Variants in CFAP299 observed in about 807,000 individuals in gnomAD.
The protein encoded by CFAP299 is cilia and flagella associated protein 299.
In CFAP299, 21 loss-of-function variants were observed where a neutral mutation model predicts 27.0. The ratio of observed to expected loss-of-function variants is 0.78; its 90% CI spans 0.55 to 1.12. The LOEUF is 1.12. CFAP299 is among the 50% of genes most tolerant of loss of function. The probability of loss-of-function intolerance (pLI) is 0.00; values close to 1 mark genes in which losing one functional copy is unlikely to be tolerated. For missense variants in CFAP299, 310 were observed against 276.6 expected (o/e 1.12, Z -0.86); for synonymous variants, 104 against 98.1 (o/e 1.06, Z -0.36).
chr4:80,452,805 G>A (rs536106788), intron 2 of CFAP299, among the ~76,000 whole-genome samples: 2 of 152,138 alleles, frequency 1.3e-5, no homozygotes, highest in African/African-American at 2.4e-5. Flanking sequence ...ACATCCGTCC[G>A]CATTGATGTT....
At chr4:80,892,444 G>A (rs998663114) in intron 4 of CFAP299, among the ~76,000 whole-genome samples, 10 of 152,104 alleles carry the variant, frequency 6.6e-5, no homozygotes, top group Admixed American at 6.6e-4. Flanking sequence ...ACATTGGTCT[G>A]GGCAAAAATT....
In CFAP299 at chr4:80,390,348, A is replaced by G. The variant is rs138397161; in HGVS notation, c.242+27464A>G. ...ATGAGTTTTACTTTTTATATTCCAC[A>G]TATAAGTGAGATCAAACAGTATTTG... On this transcript the variant is annotated intron_variant, in intron 2 of 5. Transcript: ENST00000358105. Among the ~76,000 whole-genome samples the G allele has an allele frequency of 1.5e-3, 232 of 151,706 alleles. 1 individual carries two copies. The highest frequency in any genetic ancestry group is 5.2e-3 in the African/African-American group (213 of 41,358).
chr4:80,427,314 T>C (rs1029974376), intron 2 of CFAP299, among the ~76,000 whole-genome samples: 1 of 152,206 alleles, frequency 6.6e-6, no homozygotes, highest in Admixed American at 6.6e-5. Flanking sequence ...ATTTTTAGCC[T>C]ACTGTTATCT....
intron 2 of CFAP299, among the ~76,000 whole-genome samples, chr4:80,444,582 G>A (rs1340854845): frequency 6.6e-6 from 1 of 152,096 alleles, no homozygotes; most frequent in Non-Finnish European, 1.5e-5. Flanking sequence ...AACCCTACAA[G>A]AAAACCTAGG....
chr4:80,443,640 T>C (rs1169102825), intron 2 of CFAP299, among the ~76,000 whole-genome samples: 2 of 152,116 alleles, frequency 1.3e-5, no homozygotes, highest in African/African-American at 4.8e-5. Flanking sequence ...ATGCCCTCTC[T>C]CACCACTCCT....
chr4:80,475,367 A>G (rs1453900553), intron 2 of CFAP299, among the ~76,000 whole-genome samples: 1 of 152,190 alleles, frequency 6.6e-6, no homozygotes, highest in African/African-American at 2.4e-5. Flanking sequence ...GGCTTGGTCC[A>G]GGGAGGTGGT....
chr4:80,765,821 A>G (rs922487958), intron 3 of CFAP299, among the ~76,000 whole-genome samples: 1 of 152,168 alleles, frequency 6.6e-6, no homozygotes, highest in Non-Finnish European at 1.5e-5. Flanking sequence ...CATTAAACAA[A>G]CTAAAAAGAT....
intron 2 of CFAP299, among the ~76,000 whole-genome samples, chr4:80,374,304 C>A (rs1724295657): frequency 6.6e-6 from 1 of 152,120 alleles, no homozygotes; most frequent in Admixed American, 6.5e-5. Context: ...GGATAATATT[C>A]CTTTTTTTCT....
At chr4:80,473,605 T>C (rs1397683441) in intron 2 of CFAP299, among the ~76,000 whole-genome samples, 2 of 152,078 alleles carry the variant, frequency 1.3e-5, no homozygotes, top group Non-Finnish European at 2.9e-5. Flanking sequence ...GGATCTCACC[T>C]TGTTGCCCAA....
At chr4:80,344,843 A>G (rs1340032074) in intron 1 of CFAP299, among the ~76,000 whole-genome samples, 1 of 152,230 alleles carries the variant, frequency 6.6e-6, no homozygotes, top group Non-Finnish European at 1.5e-5. Flanking sequence ...CAACATAGGC[A>G]AATTAATAGA....
chr4:80,618,977 G>T (rs1738441920), intron 3 of CFAP299, among the ~76,000 whole-genome samples: 1 of 152,100 alleles, frequency 6.6e-6, no homozygotes, highest in African/African-American at 2.4e-5. Context: ...TATGACACCT[G>T]TATGTGTAAT....
At chr4:80,351,165 A>G (rs547111263) in intron 1 of CFAP299, among the ~76,000 whole-genome samples, 1 of 152,178 alleles carries the variant, frequency 6.6e-6, no homozygotes, top group Non-Finnish European at 1.5e-5. Flanking sequence ...GGAAAATTAT[A>G]TATAAGCAGG....
chr4:80,337,821 AAAGT>A (rs1488133513), intron 1 of CFAP299, among the ~76,000 whole-genome samples: 1 of 152,210 alleles, frequency 6.6e-6, no homozygotes, highest in Non-Finnish European at 1.5e-5. Flanking sequence ...ACTTTCATAA[AAAGT>A]AAGATGAAGA....
At position 80,928,113 on chromosome 4, in the gene CFAP299, C is replaced by A. The variant is rs562701260; in HGVS notation, c.477-16697C>A. 5.3e-5 allele frequency among the ~76,000 whole-genome samples: 8 copies of A among 152,256 alleles called. No homozygotes were observed. In the South Asian group the frequency reaches 1.7e-3, roughly 32 times the overall value. On this transcript the variant is annotated intron_variant, in intron 4 of 5. Coordinates refer to ENST00000358105, the MANE Select transcript of CFAP299 (RefSeq NM_152770.3). ...AACAGAGAAGGAAGCGTCTCTCCCCCAGCGTTCTGTTCTGTTTCTTCATCA... is the reference window on the plus strand; with the variant it reads ...AACAGAGAAGGAAGCGTCTCTCCCCAAGCGTTCTGTTCTGTTTCTTCATCA...
At chr4:80,366,386 G>T (rs757175977) in intron 2 of CFAP299, among the ~76,000 whole-genome samples, 5 of 152,288 alleles carry the variant, frequency 3.3e-5, no homozygotes, top group Non-Finnish European at 5.9e-5. Context: ...AGGGGAAAAA[G>T]TCTGGAGAGA....
intron 2 of CFAP299, among the ~76,000 whole-genome samples, chr4:80,403,411 A>G (rs1232149745): frequency 6.6e-6 from 1 of 152,214 alleles, no homozygotes; most frequent in Non-Finnish European, 1.5e-5. Context: ...GTTTAAAATG[A>G]TTCTGCTGTT....
At chr4:80,915,184 A>T (rs972469776) in intron 4 of CFAP299, among the ~76,000 whole-genome samples, 7 of 151,638 alleles carry the variant, frequency 4.6e-5, no homozygotes, top group Non-Finnish European at 7.4e-5. Flanking sequence ...AAGTTTTTAA[A>T]TTTTTTTCTC....
intron 1 of CFAP299, among the ~76,000 whole-genome samples, chr4:80,361,376 C>G (rs1723539660): frequency 6.6e-6 from 1 of 152,238 alleles, no homozygotes; most frequent in South Asian, 2.1e-4. Flanking sequence ...CACAACCTCA[C>G]TGAGCTGAAG....
intron 2 of CFAP299, among the ~76,000 whole-genome samples, chr4:80,373,690 C>T (rs1300236810): frequency 6.6e-6 from 1 of 152,088 alleles, no homozygotes; most frequent in East Asian, 1.9e-4. Context: ...ATCATTGGTC[C>T]TTATGATAAT....
Sources: gnomAD v4.1 joint callset for allele counts (sites outside exome capture counted in the v4.1 genomes callset) on GRCh38, gnomAD v4.1.1 for gene constraint, MANE v1.5 for transcripts, NCBI Gene and HGNC (gene_info 2026-07-23, HGNC 2026-07-21) for gene names.